CILK1: variants seen among roughly 807,000 people sequenced by gnomAD.
CILK1 encodes the protein ciliogenesis associated kinase 1.
A neutral mutation model predicts 79.2 loss-of-function variants in CILK1; 47 were observed. The ratio of observed to expected loss-of-function variants is 0.59; its 90% CI spans 0.47 to 0.76. The LOEUF is 0.76. Among genes scored for constraint, CILK1 ranks in the 30% least tolerant of loss-of-function variants. The pLI, the probability that CILK1 is intolerant of heterozygous loss-of-function variation, is 0.00. For synonymous variants in CILK1, 266 were observed against 275.9 expected, an observed-to-expected ratio of 0.96 and a Z score of 0.36; for missense variants, 660 against 769.5, an observed-to-expected ratio of 0.86 and a Z score of 1.68.
chr6:53,030,945 C>G, intron 5 of CILK1, 120 bp downstream of exon 5: 1 of 724,686 alleles, frequency 1.4e-6, no homozygotes, highest in South Asian at 1.5e-5. Flanking sequence ...CATTGTCAGC[C>G]TCTCAACTCT....
intron 8 of CILK1, among the ~76,000 whole-genome samples, chr6:53,014,789 C>G (rs72932963): frequency 0.045 from 6,836 of 152,232 alleles, 212 homozygotes; most frequent in Non-Finnish European, 0.066. Flanking sequence ...GACATTTTTG[C>G]AAGTCTTAAC....
In CILK1 at chr6:53,032,546, G is replaced by T; in HGVS notation, c.265C>A (p.Leu89Ile). The T allele has an allele frequency of 6.2e-7, 1 of 1,605,758 alleles. No homozygotes were observed. The highest frequency in any genetic ancestry group is 1.1e-5 in the South Asian group (1 of 90,212). ...FEYMKENLYQ[L>I]IKERNKLFPE... Reference sequence around the variant, plus strand: ...ACCAAACTGTACCTCTCTTTAATGAGCTGGTAAAGATTTTCCTTCATGTAC... The same window carrying T: ...ACCAAACTGTACCTCTCTTTAATGATCTGGTAAAGATTTTCCTTCATGTAC... The change falls in exon 4 of 14, where the codon CTC becomes ATC. Residue 89 changes from leucine (L) to isoleucine (I), a missense_variant. By Grantham distance (5) the Leu-to-Ile change is conservative. Coordinates refer to ENST00000676107, the MANE Select transcript of CILK1 (RefSeq NM_014920.5).
At chr6:53,019,103 T>C in intron 6 of CILK1, 124 bp downstream of exon 6, 1 of 859,086 alleles carries the variant, frequency 1.2e-6, no homozygotes, top group Non-Finnish European at 1.8e-6. Flanking sequence ...TATAAATATA[T>C]GTTTCAGACT....
At chr6:53,041,491 T>C in intron 1 of CILK1, 83 bp from the exon 2 acceptor site, 2 of 450,166 alleles carry the variant, frequency 4.4e-6, no homozygotes, top group South Asian at 4.1e-5. Context: ...ATCTGTGTTT[T>C]ATTGGAACAC....
At chr6:53,049,050 C>T (rs1031907606) in intron 1 of CILK1, among the ~76,000 whole-genome samples, 2 of 152,194 alleles carry the variant, frequency 1.3e-5, no homozygotes, top group Non-Finnish European at 2.9e-5. Flanking sequence ...ATGAGAATCC[C>T]AGCTGCAGAG....
At position 53,012,122 on chromosome 6, in the gene CILK1, C is replaced by T; in HGVS notation, c.1258G>A (p.Asp420Asn). Residue 420 changes from aspartate to asparagine, a missense_variant, in exon 10 of 14, where the codon GAC becomes AAC. Transcript: ENST00000676107. ...GGACTGAAATCCAAGTCATCCAAGT[C>T]AGCCCAATCATCTGAATCCTTTGTT... ...RSTKDSDDWA[D>N]LDDLDFSPSL... 1 of 1,614,210 alleles carries T rather than the reference C, an allele frequency of 6.2e-7. No homozygotes were observed. Among genetic ancestry groups the T allele is most frequent in the Non-Finnish European group, 8.5e-7 (1 of 1,180,032 alleles).
intron 3 of CILK1, among the ~76,000 whole-genome samples, chr6:53,034,944 T>C (rs1418823629): frequency 6.6e-6 from 1 of 152,092 alleles, no homozygotes; most frequent in Admixed American, 6.5e-5. Flanking sequence ...AGGTAAGGCA[T>C]GGAAACTGAG....
At chr6:53,056,617 T>C (rs1343005030) in intron 1 of CILK1, among the ~76,000 whole-genome samples, 4 of 152,230 alleles carry the variant, frequency 2.6e-5, no homozygotes, top group Admixed American at 1.3e-4. Flanking sequence ...CAGGGCTACA[T>C]ACAAGCTGTG....
At chr6:53,027,863 G>A (rs532250467) in intron 5 of CILK1, among the ~76,000 whole-genome samples, 9 of 152,038 alleles carry the variant, frequency 5.9e-5, no homozygotes, top group African/African-American at 1.2e-4. Context: ...AAAATTAGCC[G>A]GGCGCCGGGC....
chr6:53,002,570 A>G lies in CILK1; in HGVS notation c.*2579T>C, dbSNP rs767748068. ...TGGTTACTATTCCCTTCTATAGTGC[A>G]TAGGTTTTTTTACACAATTTGTCCT... On this transcript the variant is annotated 3_prime_UTR_variant, in exon 14 of 14. Transcript: ENST00000676107. 1 of 152,254 alleles carries G rather than the reference A, an allele frequency of 6.6e-6. No homozygotes were observed. Among genetic ancestry groups the G allele is most frequent in the Non-Finnish European group, 1.5e-5 (1 of 68,044 alleles). The allele number at this position is 152,254 out of a possible 1,614,324, so 9.4% of individuals were successfully genotyped here.
chr6:53,005,370 C>A (rs1764161062), intron 13 of CILK1, 67 bp from the exon 14 acceptor site: 2 of 1,550,080 alleles, frequency 1.3e-6, no homozygotes, highest in South Asian at 2.3e-5. Flanking sequence ...CAAATAAATG[C>A]ATTTTGGTGA....
At chr6:53,044,957 T>C (rs1238520894) in intron 1 of CILK1, among the ~76,000 whole-genome samples, 1 of 152,226 alleles carries the variant, frequency 6.6e-6, no homozygotes, top group Non-Finnish European at 1.5e-5. Flanking sequence ...CTATGTTATG[T>C]ATGGTAGCCC....
At chr6:53,011,524 A>G (rs527314054) in intron 11 of CILK1, among the ~76,000 whole-genome samples, 5 of 152,106 alleles carry the variant, frequency 3.3e-5, no homozygotes, top group Non-Finnish European at 7.4e-5. Context: ...GCTTGAACCC[A>G]GGAGGTGGAG....
intron 5 of CILK1, among the ~76,000 whole-genome samples, chr6:53,027,396 A>G (rs1236596371): frequency 6.6e-6 from 1 of 152,230 alleles, no homozygotes; most frequent in African/African-American, 2.4e-5. Context: ...GCATTGCTCA[A>G]TCAGTACCAA....
In CILK1 at chr6:53,060,610, A is replaced by G. The variant is rs774764364; in HGVS notation, c.-173+986T>C. Among the ~76,000 whole-genome samples the G allele has an allele frequency of 5.9e-5, 9 of 152,238 alleles. No homozygotes were observed. The South Asian group carries it at 1.4e-3, about 24-fold the overall frequency. Reference sequence around the variant, plus strand: ...GTCCTCAAGTAGACAGGAAAGCCTTAAAGAGTCTTTACCAAATTGTAGCGC... The same window carrying G: ...GTCCTCAAGTAGACAGGAAAGCCTTGAAGAGTCTTTACCAAATTGTAGCGC... On this transcript the variant is annotated intron_variant, in intron 1 of 13. Transcript: ENST00000676107.
In CILK1 at chr6:53,061,625, C is replaced by T. The variant is rs942598487; in HGVS notation, c.-202G>A. The T allele has an allele frequency of 6.6e-6, 1 of 152,492 alleles. No homozygotes were observed. The highest frequency in any genetic ancestry group is 2.1e-4 in the South Asian group (1 of 4,840). The allele number at this position is 152,492 out of a possible 1,614,324, so 9.4% of individuals were successfully genotyped here. A position where few individuals can be genotyped will look rare whatever the true frequency, so the allele number is the denominator to read the frequency against. On this transcript the variant is annotated 5_prime_UTR_variant, in exon 1 of 14. Coordinates refer to ENST00000676107, the MANE Select transcript of CILK1 (RefSeq NM_014920.5). Reference sequence around the variant, plus strand: ...GCCGCGAACGCAGGCGGGGGCCCGCCCCTGAGGTGAGCGCAGCTCCTCGAC... The same window carrying T: ...GCCGCGAACGCAGGCGGGGGCCCGCTCCTGAGGTGAGCGCAGCTCCTCGAC...
intron 12 of CILK1, among the ~76,000 whole-genome samples, chr6:53,007,777 A>G (rs1358444937): frequency 1.4e-5 from 2 of 145,902 alleles, no homozygotes; most frequent in Non-Finnish European, 1.5e-5. Flanking sequence ...TAAAAATACA[A>G]AAAAAAAAAA....
chr6:53,016,496 T>C (rs1764903930), intron 7 of CILK1, among the ~76,000 whole-genome samples: 1 of 152,100 alleles, frequency 6.6e-6, no homozygotes, highest in Admixed American at 6.5e-5. Flanking sequence ...AACTTAATTA[T>C]CTTTACATAA....
intron 10 of CILK1, 29 bp downstream of exon 10, chr6:53,012,008 C>G: frequency 6.2e-7 from 1 of 1,614,036 alleles, no homozygotes; most frequent in Non-Finnish European, 8.5e-7. Context: ...CAGATTCAGT[C>G]TGTTTACAAA....
Sources: gnomAD v4.1 joint callset for allele counts (sites outside exome capture counted in the v4.1 genomes callset) on GRCh38, gnomAD v4.1.1 for gene constraint, MANE v1.5 for transcripts, NCBI Gene and HGNC (gene_info 2026-07-23, HGNC 2026-07-21) for gene names.